The following ADARB2 variants were observed in gnomAD, a reference collection of about 807,000 sequenced individuals.
ADARB2 encodes the protein inactive double-stranded RNA-specific editase B2.
In ADARB2, 25 loss-of-function variants were observed where a neutral mutation model predicts 62.2. The observed-to-expected ratio is 0.40, with a 90% CI of 0.29 to 0.56. The LOEUF (loss-of-function observed/expected upper bound fraction) is 0.56. Among genes scored for constraint, ADARB2 ranks in the 20% least tolerant of loss-of-function variants. The pLI is 0.43. For missense variants in ADARB2, 1,071 were observed against 1,077.4 expected (o/e 0.99, Z 0.08); for synonymous variants, 572 against 500.8 (o/e 1.14, Z -1.90).
Position 1,689,437 on chromosome 10 carries a change from A to G in ADARB2, c.100+47614T>C, listed in dbSNP as rs118136624. Among the ~76,000 whole-genome samples, 147 of 152,272 alleles carry G rather than the reference A, an allele frequency of 9.7e-4. 3 individuals carry two copies. In the East Asian group the frequency reaches 0.022, roughly 23 times the overall value. ...TTGTTTTCCCTAATTAGGACTCCAC[A>G]GTACCCCTTCACCCAGACCCAAGTT... On this transcript the variant is annotated intron_variant, in intron 1 of 9. Transcript: ENST00000381312.
intron 1 of ADARB2, among the ~76,000 whole-genome samples, chr10:1,609,894 G>A (rs946525551): frequency 6.6e-6 from 1 of 152,246 alleles, no homozygotes; most frequent in South Asian, 2.1e-4. Context: ...ATGAATAGCA[G>A]GGCGCTGACA....
chr10:1,269,747 A>G (rs1831240831), intron 4 of ADARB2, among the ~76,000 whole-genome samples: 1 of 152,196 alleles, frequency 6.6e-6, no homozygotes, highest in Non-Finnish European at 1.5e-5. Flanking sequence ...CCGTGGGCCT[A>G]CAGAGCAGTG....
chr10:1,718,865 CAATT>C (rs1055027251), intron 1 of ADARB2, among the ~76,000 whole-genome samples: 14 of 152,336 alleles, frequency 9.2e-5, no homozygotes, highest in African/African-American at 3.4e-4. Context: ...CTTTCCATCT[CAATT>C]GATTGTGAAT....
chr10:1,648,108 C>T (rs991020096), intron 1 of ADARB2, among the ~76,000 whole-genome samples: 3 of 152,170 alleles, frequency 2.0e-5, no homozygotes, highest in Non-Finnish European at 4.4e-5. Context: ...ACTGAAAACA[C>T]ATTTTTATAG....
At chr10:1,450,296 A>T (rs7092800) in intron 1 of ADARB2, among the ~76,000 whole-genome samples, 9,036 of 152,346 alleles carry the variant, frequency 0.059, 359 homozygotes, top group East Asian at 0.13. Flanking sequence ...GACACTAATA[A>T]TCTTTGGAAA....
intron 4 of ADARB2, among the ~76,000 whole-genome samples, chr10:1,252,740 T>G (rs1283161857): frequency 6.6e-6 from 1 of 152,176 alleles, no homozygotes; most frequent in African/African-American, 2.4e-5. Context: ...AGGTAGATTT[T>G]AAAATGTCTG....
chr10:1,248,500 G>A (rs527956559), intron 4 of ADARB2, among the ~76,000 whole-genome samples: 8 of 152,378 alleles, frequency 5.3e-5, no homozygotes, highest in Non-Finnish European at 8.8e-5. Context: ...GTTCCCAGGC[G>A]TGTAGGCTTC....
At chr10:1,568,232 C>G (rs976406621) in intron 1 of ADARB2, among the ~76,000 whole-genome samples, 6 of 152,218 alleles carry the variant, frequency 3.9e-5, no homozygotes, top group African/African-American at 1.4e-4. Context: ...TGTCCTGACT[C>G]TGCCCTGGTG....
chr10:1,652,578 C>A (rs1470345519), intron 1 of ADARB2, among the ~76,000 whole-genome samples: 1 of 152,156 alleles, frequency 6.6e-6, no homozygotes, highest in African/African-American at 2.4e-5. Context: ...AAAGTCATTG[C>A]TTGCTAGAAT....
chr10:1,619,166 A>G (rs1029517872), intron 1 of ADARB2, among the ~76,000 whole-genome samples: 1 of 152,330 alleles, frequency 6.6e-6, no homozygotes. Flanking sequence ...TGCATTAAAT[A>G]TGAATGGTCT....
At chr10:1,335,423 G>A (rs985829984) in intron 3 of ADARB2, among the ~76,000 whole-genome samples, 2 of 148,170 alleles carry the variant, frequency 1.3e-5, no homozygotes, top group Admixed American at 6.8e-5. Flanking sequence ...TGGAGGGAAG[G>A]ATGGAGGGAG....
At chr10:1,633,354 C>G (rs543001431) in intron 1 of ADARB2, among the ~76,000 whole-genome samples, 2 of 152,292 alleles carry the variant, frequency 1.3e-5, no homozygotes, top group African/African-American at 4.8e-5. Context: ...TAGTTCAAAA[C>G]TTTTTCAGTG....
chr10:1,317,759 G>T (rs948982795), intron 3 of ADARB2, among the ~76,000 whole-genome samples: 2 of 146,960 alleles, frequency 1.4e-5, no homozygotes, highest in Admixed American at 6.8e-5. Flanking sequence ...GCCTGGGGGG[G>T]GGTGGGTCAG....
chr10:1,703,072 G>T (rs1309874716), intron 1 of ADARB2, among the ~76,000 whole-genome samples: 4 of 152,210 alleles, frequency 2.6e-5, no homozygotes, highest in Non-Finnish European at 4.4e-5. Flanking sequence ...GGGATAGCGA[G>T]TTGCATGGAG....
At chr10:1,525,783 TTA>T (rs900795636) in intron 1 of ADARB2, among the ~76,000 whole-genome samples, 2 of 150,992 alleles carry the variant, frequency 1.3e-5, no homozygotes, top group African/African-American at 4.9e-5. Flanking sequence ...GCTTGTGTGT[TTA>T]TGTGTGTGTA....
chr10:1,404,337 C>T (rs1255953712), intron 1 of ADARB2, among the ~76,000 whole-genome samples: 2 of 152,196 alleles, frequency 1.3e-5, no homozygotes, highest in Non-Finnish European at 2.9e-5. Context: ...CACTGGGGAC[C>T]TGATGGGGCT....
At chr10:1,216,625 G>A (rs1446006408) in intron 7 of ADARB2, 2 of 355,506 alleles carry the variant, frequency 5.6e-6, no homozygotes, top group East Asian at 6.4e-5. Flanking sequence ...TGGCCACCCC[G>A]ACTGGCCGGC....
Position 1,363,593 on chromosome 10 carries a change from C to A in ADARB2, c.512G>T (p.Gly171Val). The A allele has an allele frequency of 1.9e-6, 3 of 1,599,178 alleles. 1 individual carries two copies. The highest frequency in any genetic ancestry group is 2.6e-6 in the Non-Finnish European group (3 of 1,173,100). The change falls in exon 3 of 10, where the codon GGC (glycine) becomes GTC (valine). Residue 171 changes from glycine (G) to valine (V), a missense_variant. Transcript: ENST00000381312. ...EVNGLTFEGTGPTKKKAKMRA... is the reference protein window; with the variant it reads ...EVNGLTFEGTVPTKKKAKMRA... ...CATCTTGGCCTTCTTCTTGGTGGGG[C>A]CTGTGCCCTCGAACGTGAGCCCGTT...
intron 1 of ADARB2, among the ~76,000 whole-genome samples, chr10:1,425,428 T>C: frequency 6.6e-6 from 1 of 152,232 alleles, no homozygotes; most frequent in East Asian, 1.9e-4. Context: ...AAATGTTGCT[T>C]TGATTGAATC....
Sources: gnomAD v4.1 joint callset for allele counts (sites outside exome capture counted in the v4.1 genomes callset) on GRCh38, gnomAD v4.1.1 for gene constraint, MANE v1.5 for transcripts, NCBI Gene and HGNC (gene_info 2026-07-23, HGNC 2026-07-21) for gene names.